The following RGS3 variants were observed in gnomAD, a reference collection of about 807,000 sequenced individuals.
RGS3 encodes regulator of G-protein signalling 3.
Under a neutral mutation model 132.6 loss-of-function variants are expected in RGS3, and 80 were observed. That is an observed-to-expected ratio of 0.60 (90% confidence interval 0.50 to 0.73). The LOEUF (loss-of-function observed/expected upper bound fraction) is 0.73. Among genes scored for constraint, RGS3 ranks in the 30% least tolerant of loss-of-function variants. RGS3 has a pLI of 0.00. For synonymous variants in RGS3, 598 were observed against 620.6 expected, an observed-to-expected ratio of 0.96 and a Z score of 0.54; for missense variants, 1,382 against 1,530.8, an observed-to-expected ratio of 0.90 and a Z score of 1.62.
intron 16 of RGS3, 118 bp downstream of exon 14, chr9:113,517,742 G>T: frequency 1.4e-6 from 1 of 733,788 alleles, no homozygotes; most frequent in South Asian, 1.9e-5. Flanking sequence ...CTCAGGGTAG[G>T]GGAGACCTGA....
intron 14 of RGS3, among the ~76,000 whole-genome samples, chr9:113,510,868 C>T (rs1298383899): frequency 6.6e-6 from 1 of 152,192 alleles, no homozygotes; most frequent in Non-Finnish European, 1.5e-5. Flanking sequence ...CTTTGTAGCT[C>T]ACAATTTTAG....
intron 17 of RGS3, 142 bp downstream of exon 15, chr9:113,523,183 G>C: frequency 6.4e-6 from 4 of 624,256 alleles, no homozygotes; most frequent in Non-Finnish European, 1.2e-5. Flanking sequence ...GGGCTAGTAG[G>C]TCTCAGACAC....
Position 113,579,327 on chromosome 9 carries a change from C to T in RGS3, c.2038-4123C>T, listed in dbSNP as rs926563518. On this transcript the variant is annotated intron_variant, in intron 19 of 24. Coordinates refer to ENST00000350696, the Ensembl canonical transcript of RGS3. The surrounding 1 kb of genome is among the most constrained non-coding windows in gnomAD (Gnocchi z 4.3). ...TGAGTGTGAACTCTGGGTGTCATAG[C>T]TGCCATCCCTCCTTAGCCTATTCTG... Among the ~76,000 whole-genome samples the T allele has an allele frequency of 6.6e-6, 1 of 152,242 alleles. No homozygotes were observed. The highest frequency in any genetic ancestry group is 2.1e-4 in the South Asian group (1 of 4,836).
chr9:113,450,223 C>T (rs1384424734), intron 1 of RGS3, among the ~76,000 whole-genome samples: 1 of 152,134 alleles, frequency 6.6e-6, no homozygotes. Flanking sequence ...CACATGCCAC[C>T]ATGCCAGCTA....
chr9:113,518,658 G>A (rs946331130), intron 16 of RGS3, among the ~76,000 whole-genome samples: 10 of 152,134 alleles, frequency 6.6e-5, no homozygotes, highest in African/African-American at 2.4e-4. Context: ...TGCCCTGGGG[G>A]ACTGCATGCT....
intron 9 of RGS3, 108 bp downstream of exon 7, chr9:113,497,512 C>T: frequency 1.1e-6 from 1 of 900,846 alleles, no homozygotes. Flanking sequence ...ACTGAGAATG[C>T]TATCAGCCTG....
At chr9:113,491,824 G>T (rs1262353113) in intron 7 of RGS3, among the ~76,000 whole-genome samples, 1 of 152,238 alleles carries the variant, frequency 6.6e-6, no homozygotes, top group Non-Finnish European at 1.5e-5. Flanking sequence ...AAAGTGCTGG[G>T]ATTACAGGCG....
intron 19 of RGS3, among the ~76,000 whole-genome samples, chr9:113,572,952 T>C (rs548688738): frequency 6.4e-4 from 97 of 152,312 alleles, no homozygotes; most frequent in African/African-American, 2.1e-3. Context: ...TGTCCCGGAA[T>C]TGGATGCAGG....
chr9:113,473,019 C>CGACA (rs1829882866), intron 3 of RGS3, among the ~76,000 whole-genome samples: 1 of 151,894 alleles, frequency 6.6e-6, no homozygotes, highest in African/African-American at 2.4e-5. Context: ...CCAGCCTGGG[C>CGACA]GACAGAGTGA....
intron 19 of RGS3, among the ~76,000 whole-genome samples, chr9:113,576,895 G>A (rs1564595760): frequency 6.6e-6 from 1 of 152,242 alleles, no homozygotes; most frequent in Non-Finnish European, 1.5e-5. Context: ...CCTGGTGGGG[G>A]ATGACAGTGG....
At chr9:113,536,480 C>T in intron 18 of RGS3, 1 of 1,044,372 alleles carries the variant, frequency 9.6e-7, no homozygotes, top group Non-Finnish European at 1.2e-6. Flanking sequence ...CTGCTTTGTG[C>T]TGCCTGCCCC....
At chr9:113,540,384 C>G (rs1339955861) in intron 19 of RGS3, among the ~76,000 whole-genome samples, 2 of 152,164 alleles carry the variant, frequency 1.3e-5, no homozygotes, top group African/African-American at 4.8e-5. Context: ...TTTGGGATCA[C>G]AGAGATGAAT....
intron 17 of RGS3, 122 bp downstream of exon 15, chr9:113,523,163 C>T: frequency 1.4e-6 from 1 of 689,710 alleles, no homozygotes; most frequent in Non-Finnish European, 2.6e-6. Flanking sequence ...TGCTGCTGGG[C>T]TCTGTCCATG....
rs892059756 is a variant in RGS3, at chr9:113,447,729, A to T, written c.-13+2802A>T. 5.9e-5 allele frequency among the ~76,000 whole-genome samples: 9 copies of T among 152,026 alleles called. No individual in the cohort carries two copies. In the East Asian group the frequency reaches 1.7e-3, roughly 29 times the overall value. On this transcript the variant is annotated intron_variant, in intron 1 of 25. Transcript: ENST00000374140. The stretch of plus-strand genomic sequence containing the variant: ...TTTTATGGTCCATCTGAATTCGGTT[A>T]ATTAGCAAGTCATATTAGGTGCAGC...
At chr9:113,535,016 T>G (rs1333848266) in intron 18 of RGS3, among the ~76,000 whole-genome samples, 1 of 152,218 alleles carries the variant, frequency 6.6e-6, no homozygotes, top group East Asian at 1.9e-4. Flanking sequence ...TAATTGTTTA[T>G]TTGTATAAAT....
At chr9:113,544,461 A>G (rs1833027925) in intron 19 of RGS3, among the ~76,000 whole-genome samples, 2 of 152,060 alleles carry the variant, frequency 1.3e-5, no homozygotes, top group South Asian at 2.1e-4. Flanking sequence ...ATTTATTTAT[A>G]TATGTCTTAT....
chr9:113,541,289 G>A lies in RGS3; in HGVS notation c.2037+4371G>A, dbSNP rs559690507. Reference sequence around the variant, plus strand: ...AGGCAGCCCGGCCTGAGTAGACAGCGAGCTAATTCCAGTTCTGTCTGGTTC... The same window carrying A: ...AGGCAGCCCGGCCTGAGTAGACAGCAAGCTAATTCCAGTTCTGTCTGGTTC... On this transcript the variant is annotated intron_variant, in intron 19 of 24. Coordinates refer to ENST00000350696, the Ensembl canonical transcript of RGS3. 27 of 1,606,144 alleles carry A rather than the reference G, an allele frequency of 1.7e-5. 1 individual carries two copies. The highest frequency in any genetic ancestry group is 3.4e-5 in the Admixed American group (2 of 59,316).
chr9:113,519,949 C>T (rs1161765512), intron 16 of RGS3, among the ~76,000 whole-genome samples: 2 of 152,200 alleles, frequency 1.3e-5, no homozygotes, highest in Non-Finnish European at 2.9e-5. Flanking sequence ...ACAAGACAGA[C>T]ACACCCTCCC....
rs369094064 is a variant in RGS3 at position 113,594,179 on chromosome 9, T to C, written c.3081-251T>C. ...GCGTGTGTGGCTGCAGCCTGCACCG[T>C]TGCTGCCCGCTGCCCAGGACGCGGG... On this transcript the variant is annotated intron_variant, in intron 21 of 24. Coordinates refer to ENST00000350696, the Ensembl canonical transcript of RGS3. 4.3e-6 allele frequency: 7 copies of C among 1,612,884 alleles called. No homozygotes were observed. The African/African-American group carries it at 8.0e-5, about 18-fold the overall frequency.
Sources: gnomAD v4.1 joint callset for allele counts (sites outside exome capture counted in the v4.1 genomes callset) on GRCh38, gnomAD v4.1.1 for gene constraint, Gnocchi (gnomAD v3.1) non-coding constraint, MANE v1.5 for transcripts, NCBI Gene and HGNC (gene_info 2026-07-23, HGNC 2026-07-21) for gene names.